The following PTPRK variants were observed in gnomAD, a reference collection of about 807,000 sequenced individuals.
PTPRK encodes the protein receptor-type tyrosine-protein phosphatase kappa.
In PTPRK, 75 loss-of-function variants were observed where a neutral mutation model predicts 178.0. The ratio of observed to expected loss-of-function variants is 0.42; its 90% CI spans 0.35 to 0.51. The LOEUF is 0.51. Among genes scored for constraint, PTPRK ranks in the 20% least tolerant of loss-of-function variants. PTPRK has a pLI of 0.02. For missense variants in PTPRK, 1,441 were observed against 1,797.8 expected, an observed-to-expected ratio of 0.80 and a Z score of 3.59; for synonymous variants, 637 against 620.6, an observed-to-expected ratio of 1.03 and a Z score of -0.39.
chr6:128,076,161 T>C (rs1045560174), intron 11 of PTPRK, among the ~76,000 whole-genome samples: 1 of 151,868 alleles, frequency 6.6e-6, no homozygotes, highest in African/African-American at 2.4e-5. Context: ...GTGATGGGAA[T>C]CCAATCAAAG....
At chr6:128,174,459 C>T (rs1281357642) in intron 7 of PTPRK, among the ~76,000 whole-genome samples, 1 of 151,704 alleles carries the variant, frequency 6.6e-6, no homozygotes, top group Non-Finnish European at 1.5e-5. Context: ...ACATAAATAA[C>T]CTCAAGAATA....
At chr6:128,126,060 CTT>C (rs530118683) in intron 7 of PTPRK, among the ~76,000 whole-genome samples, 2 of 145,078 alleles carry the variant, frequency 1.4e-5, no homozygotes, top group East Asian at 4.0e-4. Flanking sequence ...TATTTTAAGG[CTT>C]TTTTTTTTTA....
chr6:128,397,422 G>A (rs376557689), intron 2 of PTPRK, 144 bp downstream of exon 2: 2 of 908,230 alleles, frequency 2.2e-6, no homozygotes, highest in East Asian at 5.0e-5. Flanking sequence ...GAAAGGCAAA[G>A]AATAAGGCTC....
chr6:128,494,346 A>G (rs1393947727), intron 1 of PTPRK, among the ~76,000 whole-genome samples: 1 of 152,216 alleles, frequency 6.6e-6, no homozygotes, highest in Admixed American at 6.5e-5. Context: ...TTAAATTTAA[A>G]AGATAAAATA....
chr6:128,321,822 C>G (rs1562280242), intron 3 of PTPRK: 1 of 723,874 alleles, frequency 1.4e-6, no homozygotes, highest in Admixed American at 2.0e-5. Flanking sequence ...TCTCCAAACA[C>G]TTCCTCATCA....
chr6:128,477,898 TAAC>T (rs1476463552), intron 1 of PTPRK, among the ~76,000 whole-genome samples: 2 of 152,064 alleles, frequency 1.3e-5, no homozygotes, highest in East Asian at 3.9e-4. Flanking sequence ...GAGGATAATT[TAAC>T]AACTCCTTCT....
chr6:128,509,111 C>T lies in PTPRK; in HGVS notation c.100+11148G>A, dbSNP rs1585019952. 3.9e-5 allele frequency among the ~76,000 whole-genome samples: 6 copies of T among 152,214 alleles called. 1 individual carries two copies. In the South Asian group the frequency reaches 1.2e-3, roughly 32 times the overall value. ...CTTTGTCTAGTGTGTCCATATTGTA[C>T]AGCCCACTTGCCTGTTAGTCACTCA... On this transcript the variant is annotated intron_variant, in intron 1 of 29. Coordinates refer to ENST00000368226, the MANE Select transcript of PTPRK (RefSeq NM_002844.4).
intron 6 of PTPRK, among the ~76,000 whole-genome samples, chr6:128,214,675 A>G (rs1808910152): frequency 6.6e-6 from 1 of 152,082 alleles, no homozygotes; most frequent in South Asian, 2.1e-4. Flanking sequence ...GGCCTGGCTT[A>G]GGATAGAAGC....
chr6:128,415,623 G>A (rs1842763378), intron 1 of PTPRK, among the ~76,000 whole-genome samples: 1 of 152,132 alleles, frequency 6.6e-6, no homozygotes, highest in Non-Finnish European at 1.5e-5. Context: ...ACAGGCTGGA[G>A]CCACTGAGCA....
At chr6:128,407,261 T>C (rs1278673544) in intron 1 of PTPRK, among the ~76,000 whole-genome samples, 1 of 152,184 alleles carries the variant, frequency 6.6e-6, no homozygotes, top group Non-Finnish European at 1.5e-5. Context: ...CTTCAAACTC[T>C]AGTATATCAG....
At chr6:128,064,826 C>T in intron 12 of PTPRK, 32 bp from the exon 13 acceptor site, 2 of 1,556,822 alleles carry the variant, frequency 1.3e-6, no homozygotes, top group Non-Finnish European at 1.7e-6. Flanking sequence ...AAAAAAGAGT[C>T]AATGTACAGA....
chr6:128,077,315 C>T (rs546218357), intron 11 of PTPRK, among the ~76,000 whole-genome samples: 20 of 152,082 alleles, frequency 1.3e-4, no homozygotes, highest in East Asian at 1.9e-4. Context: ...GCACTATATA[C>T]GTACTTTGAA....
chr6:128,011,738 T>C (rs1020468586), intron 13 of PTPRK, among the ~76,000 whole-genome samples: 55 of 151,116 alleles, frequency 3.6e-4, no homozygotes, highest in Non-Finnish European at 6.8e-4. Flanking sequence ...ACAAGTAATA[T>C]AGATAGGTTA....
chr6:128,102,971 G>C (rs868711829), intron 7 of PTPRK, among the ~76,000 whole-genome samples: 1 of 152,142 alleles, frequency 6.6e-6, no homozygotes, highest in East Asian at 1.9e-4. Flanking sequence ...CTGGAAACAC[G>C]TGGCCCTAAA....
chr6:128,232,093 C>T (rs999492364), intron 5 of PTPRK: 2 of 152,258 alleles, frequency 1.3e-5, no homozygotes, highest in East Asian at 3.9e-4. Context: ...TATTTACCTC[C>T]ACTCCTCATG....
intron 2 of PTPRK, among the ~76,000 whole-genome samples, chr6:128,358,479 A>G (rs2128340899): frequency 6.6e-6 from 1 of 152,366 alleles, no homozygotes; most frequent in South Asian, 2.1e-4. Context: ...TTAATAGATG[A>G]GGTCATGCAT....
rs375595546 is a variant in PTPRK at position 128,014,090 on chromosome 6, C to T, written c.2195-4822G>A. Among the ~76,000 whole-genome samples the T allele has an allele frequency of 3.3e-5, 5 of 151,668 alleles. No individual in the cohort carries two copies. The South Asian group carries it at 1.0e-3, about 31-fold the overall frequency. Reference sequence around the variant, plus strand: ...GAATAAATGAAAGACCACCACTAAGCCTGCCTAAGCTAGGTTGCACTGGCA... The same window carrying T: ...GAATAAATGAAAGACCACCACTAAGTCTGCCTAAGCTAGGTTGCACTGGCA... On this transcript the variant is annotated intron_variant, in intron 13 of 29. Transcript: ENST00000368226.
intron 7 of PTPRK, among the ~76,000 whole-genome samples, chr6:128,167,857 A>G (rs939023825): frequency 2.6e-5 from 4 of 152,044 alleles, no homozygotes; most frequent in Admixed American, 6.6e-5. Context: ...ATTTAGGACT[A>G]ATTTTACTTC....
At chr6:128,436,398 C>T (rs549177311) in intron 1 of PTPRK, among the ~76,000 whole-genome samples, 9 of 152,238 alleles carry the variant, frequency 5.9e-5, no homozygotes, top group African/African-American at 2.2e-4. Flanking sequence ...TTCAGAGACA[C>T]ATATAGTTTC....
Sources: gnomAD v4.1 joint callset for allele counts (sites outside exome capture counted in the v4.1 genomes callset) on GRCh38, gnomAD v4.1.1 for gene constraint, MANE v1.5 for transcripts, NCBI Gene and HGNC (gene_info 2026-07-23, HGNC 2026-07-21) for gene names.